The following ADCK1 variants were observed in gnomAD, a reference collection of about 807,000 sequenced individuals.
ADCK1 encodes aarF domain-containing protein kinase 1.
Under a neutral mutation model 52.3 loss-of-function variants are expected in ADCK1, and 41 were observed. The observed-to-expected ratio is 0.78, with a 90% CI of 0.61 to 1.02. The LOEUF (loss-of-function observed/expected upper bound fraction) is 1.02. Ranked by LOEUF, ADCK1 falls within the 50% of genes least tolerant of loss-of-function variation. ADCK1 has a pLI of 0.00. For synonymous variants in ADCK1, 250 were observed against 274.6 expected (o/e 0.91, Z 0.89); for missense variants, 658 against 679.5 (o/e 0.97, Z 0.35).
At chr14:77,910,947 G>C (rs1243660536) in intron 7 of ADCK1, among the ~76,000 whole-genome samples, 1 of 152,206 alleles carries the variant, frequency 6.6e-6, no homozygotes, top group African/African-American at 2.4e-5. Flanking sequence ...AAACAAACCA[G>C]CCTCACACCC....
At chr14:77,832,301 A>C (rs2081872173) in intron 3 of ADCK1, among the ~76,000 whole-genome samples, 1 of 152,178 alleles carries the variant, frequency 6.6e-6, no homozygotes, top group Non-Finnish European at 1.5e-5. Context: ...GATTTCTTAC[A>C]TCCCCAGCAG....
chr14:77,924,886 C>T (rs2084151659), intron 8 of ADCK1, among the ~76,000 whole-genome samples: 1 of 152,208 alleles, frequency 6.6e-6, no homozygotes, highest in African/African-American at 2.4e-5. Context: ...CCCATGGAGC[C>T]CCAGGCCAGC....
At chr14:77,847,575 C>CA (rs1198731767) in intron 3 of ADCK1, among the ~76,000 whole-genome samples, 1 of 151,984 alleles carries the variant, frequency 6.6e-6, no homozygotes, top group East Asian at 1.9e-4. Flanking sequence ...CTCAAACAAA[C>CA]AAAAAACCCC....
chr14:77,926,512 G>A (rs546008365), intron 9 of ADCK1, among the ~76,000 whole-genome samples: 33 of 152,196 alleles, frequency 2.2e-4, no homozygotes, highest in Non-Finnish European at 3.4e-4. Flanking sequence ...ACGGAGTCTC[G>A]CTCTGTCGCC....
chr14:77,834,500 C>T (rs747133339), intron 3 of ADCK1, among the ~76,000 whole-genome samples: 14 of 152,230 alleles, frequency 9.2e-5, no homozygotes, highest in Admixed American at 3.3e-4. Context: ...CACCATTCAT[C>T]TCCTGGGAAT....
rs547553907 is a variant in ADCK1, at chr14:77,808,278, C to T, written c.-12+8108C>T. 1.3e-3 allele frequency among the ~76,000 whole-genome samples: 194 copies of T among 152,214 alleles called. 1 individual carries two copies. Among genetic ancestry groups the T allele is most frequent in the African/African-American group, 4.6e-3 (191 of 41,542 alleles). On this transcript the variant is annotated intron_variant, in intron 1 of 10. Coordinates refer to ENST00000238561, the MANE Select transcript of ADCK1 (RefSeq NM_020421.4). ...GTTTACAATAAGCAGGCATGAGTTC[C>T]GTGGAGTCACACAGTGACTGAGGGG...
At chr14:77,827,616 C>G in intron 3 of ADCK1, among the ~76,000 whole-genome samples, 1 of 151,332 alleles carries the variant, frequency 6.6e-6, no homozygotes. Flanking sequence ...CATGCTGGGT[C>G]TTTTAAGCAT....
chr14:77,858,954 G>A (rs1387213964), intron 3 of ADCK1, 122 bp from the exon 4 acceptor site: 5 of 874,492 alleles, frequency 5.7e-6, no homozygotes, highest in Admixed American at 4.8e-5. Context: ...GTGTGTGCAT[G>A]CATCTGCCCT....
chr14:77,868,493 A>G (rs1290381978), intron 4 of ADCK1, among the ~76,000 whole-genome samples: 1 of 152,214 alleles, frequency 6.6e-6, no homozygotes, highest in African/African-American at 2.4e-5. Flanking sequence ...TCCTAAGTCC[A>G]GGATCCTATG....
chr14:77,880,509 A>G (rs756641206), intron 4 of ADCK1, among the ~76,000 whole-genome samples: 4 of 152,186 alleles, frequency 2.6e-5, no homozygotes, highest in Non-Finnish European at 4.4e-5. Context: ...TATTGCCATT[A>G]TTATTTTTAT....
chr14:77,810,338 C>G (rs946467336), intron 1 of ADCK1, among the ~76,000 whole-genome samples: 2 of 152,046 alleles, frequency 1.3e-5, no homozygotes, highest in Non-Finnish European at 2.9e-5. Flanking sequence ...TAGTCTTGAA[C>G]TCCTGGACTC....
At chr14:77,823,311 C>G (rs1358873626) in intron 3 of ADCK1, among the ~76,000 whole-genome samples, 1 of 152,208 alleles carries the variant, frequency 6.6e-6, no homozygotes, top group Non-Finnish European at 1.5e-5. Context: ...AAAGGAACCC[C>G]TTTGCCCCTT....
intron 3 of ADCK1, among the ~76,000 whole-genome samples, chr14:77,833,319 G>A (rs953504953): frequency 2.0e-5 from 3 of 152,190 alleles, no homozygotes; most frequent in Non-Finnish European, 4.4e-5. Context: ...TCTTTTCAGT[G>A]AGTTTTCAAG....
At chr14:77,883,694 AC>A (rs1388285337) in intron 4 of ADCK1, among the ~76,000 whole-genome samples, 1 of 152,072 alleles carries the variant, frequency 6.6e-6, no homozygotes, top group Non-Finnish European at 1.5e-5. Flanking sequence ...CTGCAGGGAC[AC>A]TGGGGAGGTG....
At chr14:77,881,665 T>C (rs912350665) in intron 4 of ADCK1, among the ~76,000 whole-genome samples, 6 of 152,100 alleles carry the variant, frequency 3.9e-5, no homozygotes, top group Non-Finnish European at 8.8e-5. Flanking sequence ...CCCTAATAAT[T>C]AATTAATTGT....
intron 4 of ADCK1, among the ~76,000 whole-genome samples, chr14:77,875,300 T>C (rs1594989976): frequency 6.6e-6 from 1 of 151,750 alleles, no homozygotes; most frequent in Non-Finnish European, 1.5e-5. Context: ...CGGTGGTGGG[T>C]GTTAGCAGGT....
At chr14:77,869,903 A>T (rs1035353538) in intron 4 of ADCK1, among the ~76,000 whole-genome samples, 2 of 152,312 alleles carry the variant, frequency 1.3e-5, no homozygotes, top group South Asian at 4.1e-4. Context: ...CAGGACTCTG[A>T]TTGACTTAGC....
At chr14:77,893,070 G>A (rs2083316434) in intron 5 of ADCK1, among the ~76,000 whole-genome samples, 1 of 152,226 alleles carries the variant, frequency 6.6e-6, no homozygotes, top group Non-Finnish European at 1.5e-5. Context: ...GAAAAAGGCA[G>A]AGCCAGGGAT....
chr14:77,925,679 T>G (rs1274205051), intron 8 of ADCK1, 85 bp from the exon 9 acceptor site: 3 of 1,394,566 alleles, frequency 2.2e-6, no homozygotes, highest in Non-Finnish European at 3.0e-6. Context: ...ACCGTCGTCT[T>G]TTGCAATGGT....
Sources: gnomAD v4.1 joint callset for allele counts (sites outside exome capture counted in the v4.1 genomes callset) on GRCh38, gnomAD v4.1.1 for gene constraint, MANE v1.5 for transcripts, NCBI Gene and HGNC (gene_info 2026-07-23, HGNC 2026-07-21) for gene names.